Variants in TMTC3 observed in about 807,000 individuals in gnomAD.
TMTC3 encodes the protein transmembrane O-mannosyltransferase targeting cadherins 3.
Under a neutral mutation model 92.2 loss-of-function variants are expected in TMTC3, and 52 were observed. The ratio of observed to expected loss-of-function variants is 0.56; its 90% CI spans 0.45 to 0.71. TMTC3 has a LOEUF of 0.71. Ranked by LOEUF, TMTC3 falls within the 30% of genes least tolerant of loss-of-function variation. TMTC3 has a pLI of 0.00. For missense variants in TMTC3, 896 were observed against 1,057.1 expected, an observed-to-expected ratio of 0.85 and a Z score of 2.11; for synonymous variants, 339 against 363.3, an observed-to-expected ratio of 0.93 and a Z score of 0.76.
At chr12:88,159,040 G>A (rs59522735) in intron 4 of TMTC3, among the ~76,000 whole-genome samples, 8,186 of 121,520 alleles carry the variant, frequency 0.067, 438 homozygotes, top group East Asian at 0.25. Flanking sequence ...CAACAAGAGC[G>A]AAACTCTGTC....
intron 7 of TMTC3, among the ~76,000 whole-genome samples, chr12:88,169,488 G>T (rs2468237): frequency 0.87 from 132,208 of 152,138 alleles, 58,691 homozygotes; most frequent in East Asian, 0.99. Flanking sequence ...TCCTAATAAA[G>T]GTGCTATTTT....
intron 8 of TMTC3, 84 bp from the exon 9 acceptor site, chr12:88,174,523 T>TAC: frequency 7.0e-7 from 1 of 1,432,962 alleles, no homozygotes; most frequent in South Asian, 1.4e-5. Flanking sequence ...GCATTTAAGA[T>TAC]ACTTCTTACC....
Position 88,154,392 on chromosome 12 carries a change from A to C in TMTC3, c.508+5A>C, listed in dbSNP as rs763341610. ...AAGGACCAGACAATTCCATAAGTAC[A>C]TGTCTCACATTTGATTTTTTTTTAA... On this transcript the variant is annotated splice_donor_5th_base_variant and intron_variant, in intron 4 of 13. Transcript: ENST00000266712. 4 of 1,567,388 alleles carry C rather than the reference A, an allele frequency of 2.6e-6. No individual in the cohort carries two copies. Among genetic ancestry groups the C allele is most frequent in the Non-Finnish European group, 3.4e-6 (4 of 1,163,272 alleles).
rs1685503474 is a variant in TMTC3, at chr12:88,190,765, CTTT to C, written c.1706+146_1706+148del. On this transcript the variant is annotated intron_variant, in intron 12 of 13. Transcript: ENST00000266712. ...CAACCAAGTGCATAGAAGAGCATAA[CTTT>C]TTAGACTGACAGTCAGATTTTATTG... 5.0e-6 allele frequency: 4 copies of C among 807,682 alleles called. No homozygotes were observed. The Admixed American group carries it at 1.2e-4, about 24-fold the overall frequency. The allele number at this position is 807,682 out of a possible 1,614,324, so 50.0% of individuals were successfully genotyped here.
chr12:88,160,362 A>T, intron 5 of TMTC3, 133 bp downstream of exon 5: 1 of 576,856 alleles, frequency 1.7e-6, no homozygotes, highest in Admixed American at 3.8e-5. Flanking sequence ...AATACCAGAA[A>T]TCATGTTTTA....
At chr12:88,160,268 A>T (rs1369428273) in intron 5 of TMTC3, 39 bp downstream of exon 5, 2 of 1,198,572 alleles carry the variant, frequency 1.7e-6, no homozygotes, top group Non-Finnish European at 2.3e-6. Context: ...TCTTATTGAT[A>T]TATTTTATCC....
intron 2 of TMTC3, among the ~76,000 whole-genome samples, chr12:88,151,016 A>G (rs1210167821): frequency 6.6e-6 from 1 of 152,198 alleles, no homozygotes; most frequent in Non-Finnish European, 1.5e-5. Flanking sequence ...TGACTGCCGT[A>G]TTAGAATTTG....
intron 7 of TMTC3, among the ~76,000 whole-genome samples, chr12:88,171,093 G>T (rs539502769): frequency 2.0e-5 from 3 of 152,088 alleles, no homozygotes; most frequent in Non-Finnish European, 4.4e-5. Context: ...AGGTACAGTA[G>T]TCTGCTATCT....
In TMTC3 at chr12:88,160,095, T is replaced by A. The variant is rs1277343047; in HGVS notation, c.509-19T>A. The A allele has an allele frequency of 6.7e-7, 1 of 1,484,388 alleles. No individual in the cohort carries two copies. The highest frequency in any genetic ancestry group is 1.4e-5 in the African/African-American group (1 of 70,118). 92.0% of individuals were successfully genotyped at this position (1,484,388 alleles called of 1,614,324 possible). A position where few individuals can be genotyped will look rare whatever the true frequency, so the allele number is the denominator to read the frequency against. ...AAATTGTTTTCTGAATTTTTATATT[T>A]TCTGTTCTCAAATTGCAGTATGGAC... On this transcript the variant is annotated intron_variant, in intron 4 of 13. Transcript: ENST00000266712.
chr12:88,172,064 G>A (rs1264611723), intron 7 of TMTC3, among the ~76,000 whole-genome samples: 2 of 152,000 alleles, frequency 1.3e-5, no homozygotes, highest in African/African-American at 4.8e-5. Flanking sequence ...GATTGTTTGA[G>A]TGTGTTATTT....
intron 6 of TMTC3, among the ~76,000 whole-genome samples, chr12:88,162,985 G>A (rs914683814): frequency 6.7e-6 from 1 of 150,342 alleles, no homozygotes; most frequent in Non-Finnish European, 1.5e-5. Context: ...GCGCAATCTC[G>A]GCTCACCGCA....
chr12:88,180,399 AG>A (rs2041304398), intron 10 of TMTC3, among the ~76,000 whole-genome samples: 1 of 152,244 alleles, frequency 6.6e-6, no homozygotes, highest in African/African-American at 2.4e-5. Context: ...ACAGGGTGAA[AG>A]AAAGGCGGAT....
intron 2 of TMTC3, among the ~76,000 whole-genome samples, chr12:88,149,890 C>T (rs1207096977): frequency 6.6e-6 from 1 of 152,112 alleles, no homozygotes; most frequent in Non-Finnish European, 1.5e-5. Context: ...ACAGCTTGTC[C>T]TCCTCTATAC....
intron 4 of TMTC3, among the ~76,000 whole-genome samples, chr12:88,157,253 A>C (rs2041022765): frequency 6.6e-6 from 1 of 151,734 alleles, no homozygotes; most frequent in Non-Finnish European, 1.5e-5. Flanking sequence ...AACCACTGTG[A>C]TACTTTGTAC....
At chr12:88,174,565 TGAA>T (rs767715990) in intron 8 of TMTC3, 39 bp from the exon 9 acceptor site, 36 of 1,584,906 alleles carry the variant, frequency 2.3e-5, no homozygotes, top group Non-Finnish European at 2.8e-5. Flanking sequence ...CTTTTGGTGA[TGAA>T]GACAATTTTT....
intron 10 of TMTC3, among the ~76,000 whole-genome samples, chr12:88,187,861 T>C (rs2041396352): frequency 6.6e-6 from 1 of 152,222 alleles, no homozygotes; most frequent in South Asian, 2.1e-4. Context: ...AACTGTCTGA[T>C]TTAAGATCTT....
chr12:88,185,812 A>AT (rs1280704531), intron 10 of TMTC3, among the ~76,000 whole-genome samples: 6 of 151,520 alleles, frequency 4.0e-5, no homozygotes, highest in South Asian at 2.1e-4. Context: ...TAAGGTTTTT[A>AT]TTTTTTTTGT....
chr12:88,143,077 A>C (rs1035290370), intron 1 of TMTC3, among the ~76,000 whole-genome samples: 1 of 151,862 alleles, frequency 6.6e-6, no homozygotes, highest in African/African-American at 2.4e-5. Flanking sequence ...CTGGAGTATG[A>C]TACATCTCTA....
intron 4 of TMTC3, 91 bp from the exon 5 acceptor site, chr12:88,160,023 A>G (rs1009383630): frequency 1.3e-6 from 1 of 786,038 alleles, no homozygotes; most frequent in Non-Finnish European, 2.0e-6. Flanking sequence ...TAGCACTCAT[A>G]TGGATATGGA....
Sources: allele counts gnomAD v4.1 joint callset (sites outside exome capture counted in the v4.1 genomes callset), GRCh38; gene constraint gnomAD v4.1.1; transcripts MANE v1.5; gene names NCBI Gene and HGNC (gene_info 2026-07-23, HGNC 2026-07-21).